PEX14: variants seen among roughly 807,000 people sequenced by gnomAD.
The protein encoded by PEX14 is peroxisomal biogenesis factor 14.
Under a neutral mutation model 49.5 loss-of-function variants are expected in PEX14, and 15 were observed. That is an observed-to-expected ratio of 0.30 (90% CI 0.20 to 0.47). The LOEUF is 0.47. Among genes scored for constraint, PEX14 ranks in the 20% least tolerant of loss-of-function variants. The pLI, the probability that PEX14 is intolerant of heterozygous loss-of-function variation, is 1.00. For missense variants in PEX14, 398 were observed against 494.8 expected, an observed-to-expected ratio of 0.80 and a Z score of 1.86; for synonymous variants, 210 against 212.7, an observed-to-expected ratio of 0.99 and a Z score of 0.11.
In PEX14 at chr1:10,522,256, C is replaced by G. The variant is rs1478055518; in HGVS notation, c.85-13957C>G. On this transcript the variant is annotated intron_variant, in intron 2 of 8. Coordinates refer to ENST00000356607, the MANE Select transcript of PEX14 (RefSeq NM_004565.3). ...ATAAATGCTTTTATAGAAAAGATAG[C>G]CAGTGACAGCAGTCTATCCTGATTC... Among the ~76,000 whole-genome samples, 3 of 152,304 alleles carry G rather than the reference C, an allele frequency of 2.0e-5. No individual in the cohort carries two copies. The East Asian group carries it at 5.8e-4, about 29-fold the overall frequency.
At chr1:10,537,341 A>AACCC (rs1553187430) in intron 3 of PEX14, among the ~76,000 whole-genome samples, 3 of 28,430 alleles carry the variant, frequency 1.1e-4, no homozygotes, top group African/African-American at 1.4e-4. Flanking sequence ...TTGTGCCAGC[A>AACCC]CCCCCCCCCC....
At chr1:10,555,259 A>T (rs1570258970) in intron 3 of PEX14, among the ~76,000 whole-genome samples, 2 of 152,102 alleles carry the variant, frequency 1.3e-5, no homozygotes, top group African/African-American at 4.8e-5. Flanking sequence ...ATTTTAAATT[A>T]AAAAAATTTA....
intron 2 of PEX14, among the ~76,000 whole-genome samples, chr1:10,505,484 T>A (rs1641766736): frequency 6.6e-6 from 1 of 152,076 alleles, no homozygotes; most frequent in Non-Finnish European, 1.5e-5. Context: ...TTTACCATAC[T>A]TTTCCTTTGC....
At chr1:10,507,556 A>G (rs1318431392) in intron 2 of PEX14, among the ~76,000 whole-genome samples, 1 of 152,154 alleles carries the variant, frequency 6.6e-6, no homozygotes, top group Non-Finnish European at 1.5e-5. Flanking sequence ...TGGAGAGGAG[A>G]TAATAGGATC....
At position 10,629,394 on chromosome 1, in the gene PEX14, C is replaced by G; in HGVS notation, c.678-137C>G. Reference sequence around the variant, plus strand: ...CCTGAAAGGAGGGGTGGAAGGGCTCCATCCTGTCCCTTGCCCAGTGTCCCT... The same window carrying G: ...CCTGAAAGGAGGGGTGGAAGGGCTCGATCCTGTCCCTTGCCCAGTGTCCCT... On this transcript the variant is annotated intron_variant, in intron 8 of 8. Coordinates refer to ENST00000356607, the MANE Select transcript of PEX14 (RefSeq NM_004565.3). The surrounding 1 kb of genome is among the most constrained non-coding windows in gnomAD (Gnocchi z 8.5). 5.7e-6 allele frequency: 4 copies of G among 700,602 alleles called. No individual in the cohort carries two copies. Among genetic ancestry groups the G allele is most frequent in the Non-Finnish European group, 1.0e-5 (4 of 389,364 alleles). The allele number at this position is 700,602 out of a possible 1,614,324, so 43.4% of individuals were successfully genotyped here.
At chr1:10,627,175 G>A (rs1641772213) in intron 7 of PEX14, 97 bp from the exon 8 acceptor site, 2 of 817,704 alleles carry the variant, frequency 2.4e-6, no homozygotes, top group South Asian at 1.3e-5. Flanking sequence ...GACCCAGAAG[G>A]CCCCACCTGC....
chr1:10,551,890 C>T (rs777385952), intron 3 of PEX14, among the ~76,000 whole-genome samples: 6 of 151,764 alleles, frequency 4.0e-5, no homozygotes, highest in South Asian at 2.1e-4. Context: ...GTGTGGAGTT[C>T]GAGACCAGCT....
intron 1 of PEX14, among the ~76,000 whole-genome samples, chr1:10,482,736 C>G (rs773974321): frequency 3.3e-5 from 5 of 152,096 alleles, no homozygotes; most frequent in African/African-American, 1.2e-4. Context: ...CTGGCCTGAG[C>G]CATTCTACTT....
chr1:10,560,597 C>T (rs1217079122), intron 3 of PEX14, among the ~76,000 whole-genome samples: 1 of 151,932 alleles, frequency 6.6e-6, no homozygotes, highest in Non-Finnish European at 1.5e-5. Flanking sequence ...TCTCAAACTT[C>T]TGACCTCAGG....
At chr1:10,594,122 T>G (rs528842897) in intron 3 of PEX14, among the ~76,000 whole-genome samples, 1 of 152,350 alleles carries the variant, frequency 6.6e-6, no homozygotes, top group Non-Finnish European at 1.5e-5. Flanking sequence ...CTACGACTTT[T>G]AGAGGCTCTG....
chr1:10,622,637 G>A (rs1425462896), intron 5 of PEX14, among the ~76,000 whole-genome samples: 1 of 152,174 alleles, frequency 6.6e-6, no homozygotes, highest in Non-Finnish European at 1.5e-5. Flanking sequence ...GGAGGCTCCA[G>A]CATTATCTGT....
intron 4 of PEX14, among the ~76,000 whole-genome samples, chr1:10,616,568 T>A (rs1641423958): frequency 6.6e-6 from 1 of 152,124 alleles, no homozygotes; most frequent in Non-Finnish European, 1.5e-5. Context: ...TCCCCGCTGG[T>A]CTGTGTCCCA....
chr1:10,537,934 C>CTG (rs549018520), intron 3 of PEX14, among the ~76,000 whole-genome samples: 7,000 of 13,364 alleles, frequency 0.52, 529 homozygotes, highest in African/African-American at 0.54. Flanking sequence ...AGAGAGAAAA[C>CTG]TTTTTGTGCA....
chr1:10,624,237 T>A lies in PEX14; in HGVS notation c.488-103T>A, dbSNP rs548489154. 71 of 807,450 alleles carry A rather than the reference T, an allele frequency of 8.8e-5. 1 individual carries two copies. The South Asian group carries it at 9.4e-4, about 11-fold the overall frequency. The allele number at this position is 807,450 out of a possible 1,614,324, so 50.0% of individuals were successfully genotyped here. ...GGGCTGGGGGTGTCTGCAGATAAAT[T>A]AGATGGAGCGGGAACACGGGCAGCT... is the stretch of plus-strand genomic sequence containing the variant. On this transcript the variant is annotated intron_variant, in intron 6 of 8. Coordinates refer to ENST00000356607, the MANE Select transcript of PEX14 (RefSeq NM_004565.3).
At chr1:10,603,339 ATGT>A (rs1641038816) in intron 4 of PEX14, among the ~76,000 whole-genome samples, 1 of 152,208 alleles carries the variant, frequency 6.6e-6, no homozygotes, top group South Asian at 2.1e-4. Flanking sequence ...ATAATATAAG[ATGT>A]TGTGATTTAA....
rs1026326323 is a variant in PEX14 at position 10,628,431 on chromosome 1, G to C, written c.677+1068G>C. Among the ~76,000 whole-genome samples, 3 of 152,218 alleles carry C rather than the reference G, an allele frequency of 2.0e-5. No homozygotes were observed. The highest frequency in any genetic ancestry group is 7.2e-5 in the African/African-American group (3 of 41,456). ...GGCTTTTCACTAGGGTCCAGGATGGGGTGCAGAGGGGTCTTGCGGCTCCAG... is the reference window on the plus strand; with the variant it reads ...GGCTTTTCACTAGGGTCCAGGATGGCGTGCAGAGGGGTCTTGCGGCTCCAG... On this transcript the variant is annotated intron_variant, in intron 8 of 8. Transcript: ENST00000356607. The surrounding 1 kb of genome is among the most constrained non-coding windows in gnomAD (Gnocchi z 4.5).
At position 10,623,563 on chromosome 1, in the gene PEX14, G is replaced by A. The variant is rs1415857309; in HGVS notation, c.487+442G>A. On this transcript the variant is annotated intron_variant, in intron 6 of 8. Coordinates refer to ENST00000356607, the MANE Select transcript of PEX14 (RefSeq NM_004565.3). This position sits in a 1 kb window ranked among gnomAD's most constrained non-coding sequence, Gnocchi z 4.4. ...CCCTGTTATCGACTCAACAGGGCTC[G>A]CGTTCATTACCCAGTGCCCCAGCGA... Among the ~76,000 whole-genome samples the A allele has an allele frequency of 6.6e-6, 1 of 152,108 alleles. No homozygotes were observed. The highest frequency in any genetic ancestry group is 1.5e-5 in the Non-Finnish European group (1 of 68,036).
At chr1:10,551,494 C>T (rs192419290) in intron 3 of PEX14, among the ~76,000 whole-genome samples, 19 of 152,222 alleles carry the variant, frequency 1.2e-4, no homozygotes, top group Admixed American at 7.2e-4. Flanking sequence ...AGCACGGATT[C>T]GGCTTGGAGA....
chr1:10,556,847 C>G (rs1639504841), intron 3 of PEX14, among the ~76,000 whole-genome samples: 1 of 152,132 alleles, frequency 6.6e-6, no homozygotes, highest in South Asian at 2.1e-4. Context: ...GGTAATGGCA[C>G]TGGTGATTTT....
Sources: allele counts gnomAD v4.1 joint callset (sites outside exome capture counted in the v4.1 genomes callset), GRCh38; gene constraint gnomAD v4.1.1; non-coding constraint Gnocchi (gnomAD v3.1); transcripts MANE v1.5; gene names NCBI Gene and HGNC (gene_info 2026-07-23, HGNC 2026-07-21).